The following DNAH7 variants were observed in gnomAD, a reference collection of about 807,000 sequenced individuals.
DNAH7 encodes dynein axonemal heavy chain 7.
A neutral mutation model predicts 444.6 loss-of-function variants in DNAH7; 397 were observed. The observed-to-expected ratio is 0.89, with a 90% CI of 0.82 to 0.97. The LOEUF (loss-of-function observed/expected upper bound fraction) is 0.97. Among genes scored for constraint, DNAH7 ranks in the 50% least tolerant of loss-of-function variants. The pLI, the probability that DNAH7 is intolerant of heterozygous loss-of-function variation, is 0.00. For missense variants in DNAH7, 4,902 were observed against 4,800.8 expected (o/e 1.02, Z -0.62); for synonymous variants, 1,636 against 1,624.4 (o/e 1.01, Z -0.17).
chr2:195,794,215 C>G, intron 57 of DNAH7, 123 bp downstream of exon 57: 2 of 784,410 alleles, frequency 2.5e-6, no homozygotes, highest in East Asian at 5.0e-5. Context: ...TCAAAACCTA[C>G]TGCACTGCGG....
Position 195,808,837 on chromosome 2 carries a change from T to C in DNAH7, c.9928A>G (p.Ile3310Val), listed in dbSNP as rs773351185. The stretch of plus-strand genomic sequence containing the variant: ...TTGGCATAAGGATTATCCAGTCCAA[T>C]GCCACCAGTTAGCAGAAATCTCCAC... ...AEWRFLLTGG[I>V]GLDNPYANLC... The change falls in exon 53 of 65, where the codon ATT becomes GTT. Residue 3310 changes from isoleucine (I) to valine (V), a missense_variant. Physicochemically the swap from Ile to Val is conservative, Grantham distance 29 (BLOSUM62 3). Transcript: ENST00000312428. 6.2e-7 allele frequency: 1 copy of C among 1,613,802 alleles called. No individual in the cohort carries two copies. Among genetic ancestry groups the C allele is most frequent in the South Asian group, 1.1e-5 (1 of 91,024 alleles).
rs376748185 is a variant in DNAH7, at chr2:195,986,068, T to G, written c.1754+998A>C. On this transcript the variant is annotated intron_variant, in intron 14 of 64. Coordinates refer to ENST00000312428, the MANE Select transcript of DNAH7 (RefSeq NM_018897.3). Reference sequence around the variant, plus strand: ...TACCCACACTGTACACCTGACGGACTCCCACTCTTCCTTCAAAATAAAATT... The same window carrying G: ...TACCCACACTGTACACCTGACGGACGCCCACTCTTCCTTCAAAATAAAATT... Among the ~76,000 whole-genome samples the G allele has an allele frequency of 8.9e-4, 136 of 152,304 alleles. 1 individual carries two copies. The highest frequency in any genetic ancestry group is 2.3e-3 in the South Asian group (11 of 4,834).
intron 10 of DNAH7, among the ~76,000 whole-genome samples, chr2:196,002,926 T>G (rs1297219378): frequency 6.6e-6 from 1 of 151,818 alleles, no homozygotes; most frequent in Non-Finnish European, 1.5e-5. Context: ...GAGAATTGCT[T>G]GAACCTGGGA....
chr2:195,868,296 C>T (rs966725793), intron 40 of DNAH7, among the ~76,000 whole-genome samples: 1 of 151,846 alleles, frequency 6.6e-6, no homozygotes, highest in South Asian at 2.1e-4. Context: ...CAGGGTTTCA[C>T]CATGGTCTCG....
intron 14 of DNAH7, among the ~76,000 whole-genome samples, chr2:195,986,000 C>G (rs1288461672): frequency 6.6e-6 from 1 of 152,146 alleles, no homozygotes; most frequent in Admixed American, 6.5e-5. Context: ...ATTTTCACAC[C>G]TCACTGCCCT....
intron 24 of DNAH7, among the ~76,000 whole-genome samples, chr2:195,921,826 G>C (rs577721882): frequency 6.6e-6 from 1 of 152,106 alleles, no homozygotes; most frequent in Non-Finnish European, 1.5e-5. Context: ...GAAAAAGTCA[G>C]AAAGTTTCAG....
chr2:195,940,728 T>C (rs1390250426), intron 19 of DNAH7, among the ~76,000 whole-genome samples: 2 of 151,690 alleles, frequency 1.3e-5, no homozygotes, highest in Admixed American at 1.3e-4. Context: ...AACACACACT[T>C]CTCAAAAGAA....
At chr2:195,761,789 C>T (rs1433518780) in intron 61 of DNAH7, among the ~76,000 whole-genome samples, 2 of 152,084 alleles carry the variant, frequency 1.3e-5, no homozygotes, top group South Asian at 4.2e-4. Flanking sequence ...ACAACAAAAG[C>T]TGAGGGATTT....
chr2:195,919,123 G>A (rs1198652169), intron 24 of DNAH7, among the ~76,000 whole-genome samples: 1 of 151,594 alleles, frequency 6.6e-6, no homozygotes, highest in South Asian at 2.1e-4. Context: ...GGTGGTGCAC[G>A]CCTGTAATCC....
intron 45 of DNAH7, among the ~76,000 whole-genome samples, chr2:195,855,538 G>A (rs975131633): frequency 2.0e-5 from 3 of 151,550 alleles, no homozygotes; most frequent in Non-Finnish European, 4.4e-5. Flanking sequence ...AAATATTTTA[G>A]TCTTTGTGAG....
intron 19 of DNAH7, among the ~76,000 whole-genome samples, chr2:195,941,132 T>C (rs1348669364): frequency 3.3e-5 from 5 of 152,000 alleles, no homozygotes; most frequent in Admixed American, 6.6e-5. Context: ...CAAATGCCCA[T>C]CAATGATAGA....
intron 8 of DNAH7, among the ~76,000 whole-genome samples, chr2:196,020,517 C>G (rs1695310195): frequency 6.6e-6 from 1 of 151,958 alleles, no homozygotes. Context: ...TTTGTCTTTC[C>G]CAGGAGAAAA....
chr2:195,906,477 A>G (rs1341978635), intron 27 of DNAH7, among the ~76,000 whole-genome samples, 182 bp downstream of exon 27: 1 of 120,076 alleles, frequency 8.3e-6, no homozygotes. Context: ...TTTTTTTTTA[A>G]GAGACAAGGT....
At chr2:195,803,473 C>T (rs750586735) in intron 54 of DNAH7, among the ~76,000 whole-genome samples, 1 of 152,168 alleles carries the variant, frequency 6.6e-6, no homozygotes, top group Non-Finnish European at 1.5e-5. Context: ...AACTTGCTCC[C>T]AAGACTGAAT....
chr2:195,895,896 C>CT (rs530703455), intron 29 of DNAH7, among the ~76,000 whole-genome samples: 73 of 151,262 alleles, frequency 4.8e-4, no homozygotes, highest in Admixed American at 2.6e-3. Context: ...ATAGTTTATT[C>CT]TTTTTTTTTG....
At chr2:195,753,424 CT>C (rs1422254129) in intron 63 of DNAH7, among the ~76,000 whole-genome samples, 1 of 152,170 alleles carries the variant, frequency 6.6e-6, no homozygotes, top group Non-Finnish European at 1.5e-5. Flanking sequence ...TTATCATACA[CT>C]GTTGTGATTA....
intron 1 of DNAH7, among the ~76,000 whole-genome samples, chr2:196,059,295 G>C (rs1222642137): frequency 6.6e-6 from 1 of 152,116 alleles, no homozygotes; most frequent in Non-Finnish European, 1.5e-5. Context: ...AATCTCCTTT[G>C]CAGTAGAGAA....
At chr2:195,851,661 GC>G (rs1396635878) in intron 46 of DNAH7, among the ~76,000 whole-genome samples, 3 of 152,164 alleles carry the variant, frequency 2.0e-5, no homozygotes, top group Non-Finnish European at 4.4e-5. Context: ...GTCAGAGAGG[GC>G]CTGGTTGGGA....
intron 15 of DNAH7, among the ~76,000 whole-genome samples, chr2:195,980,737 G>T (rs565578424): frequency 6.6e-6 from 1 of 151,908 alleles, no homozygotes; most frequent in South Asian, 2.1e-4. Context: ...TGTATCAACA[G>T]AATGAAGGAC....
Sources: allele counts gnomAD v4.1 joint callset (sites outside exome capture counted in the v4.1 genomes callset), GRCh38; gene constraint gnomAD v4.1.1; transcripts MANE v1.5; gene names NCBI Gene and HGNC (gene_info 2026-07-23, HGNC 2026-07-21).